The following GRIN2A variants were observed in gnomAD, a reference collection of about 807,000 sequenced individuals.
GRIN2A encodes glutamate ionotropic receptor NMDA type subunit 2A, also known as glutamate receptor ionotropic, NMDA 2A.
Under a neutral mutation model 113.4 loss-of-function variants are expected in GRIN2A, and 22 were observed. The observed-to-expected ratio is 0.19, with a 90% CI of 0.14 to 0.28. GRIN2A has a LOEUF of 0.28. Among genes scored for constraint, GRIN2A ranks in the 10% least tolerant of loss-of-function variants. The pLI is 1.00. For missense variants in GRIN2A, 1,502 were observed against 1,887.0 expected (o/e 0.80, Z 3.78); for synonymous variants, 827 against 738.4 (o/e 1.12, Z -1.94).
Position 9,859,643 on chromosome 16 carries a change from C to G in GRIN2A, c.1123-9682G>C, listed in dbSNP as rs111874982. ...ACACACACACACACACACACACACA[C>G]AGAGAGGATATGAAGCTACAATGAT... On this transcript the variant is annotated intron_variant, in intron 4 of 12. Transcript: ENST00000330684. Among the ~76,000 whole-genome samples the G allele has an allele frequency of 9.3e-3, 1,369 of 146,972 alleles. 8 individuals are homozygous for G. The highest frequency in any genetic ancestry group is 0.021 in the African/African-American group (820 of 39,782).
intron 2 of GRIN2A, among the ~76,000 whole-genome samples, chr16:9,984,376 A>G (rs1204930620): frequency 6.6e-6 from 1 of 151,876 alleles, no homozygotes; most frequent in Non-Finnish European, 1.5e-5. Context: ...ACATTTGTCT[A>G]TTTTTGCTGA....
intron 2 of GRIN2A, among the ~76,000 whole-genome samples, chr16:10,121,932 A>G (rs2048843590): frequency 6.6e-6 from 1 of 152,190 alleles, no homozygotes. Context: ...ATCTCAAAAA[A>G]CCCTGCAAAC....
chr16:10,015,249 T>C (rs1298523296), intron 2 of GRIN2A, among the ~76,000 whole-genome samples: 3 of 6,672 alleles, frequency 4.5e-4, no homozygotes, highest in African/African-American at 1.2e-3. Context: ...CAAGACTTCA[T>C]CTCAAAAAAA....
chr16:9,958,839 T>G (rs1051919580), intron 2 of GRIN2A, among the ~76,000 whole-genome samples: 3 of 152,076 alleles, frequency 2.0e-5, no homozygotes, highest in South Asian at 2.1e-4. Flanking sequence ...GACTAGAAAA[T>G]CGATACAAGC....
intron 4 of GRIN2A, among the ~76,000 whole-genome samples, chr16:9,873,558 C>T (rs1162618498): frequency 6.7e-6 from 1 of 148,264 alleles, no homozygotes; most frequent in African/African-American, 2.5e-5. Context: ...ACAACAACAA[C>T]AACAACAAAC....
intron 2 of GRIN2A, among the ~76,000 whole-genome samples, chr16:10,040,289 G>A (rs1272114739): frequency 1.8e-5 from 2 of 111,980 alleles, no homozygotes; most frequent in African/African-American, 6.9e-5. Flanking sequence ...ACACATCCAC[G>A]TCATGCACAT....
At chr16:9,901,124 T>G (rs974064981) in intron 3 of GRIN2A, among the ~76,000 whole-genome samples, 8 of 152,230 alleles carry the variant, frequency 5.3e-5, no homozygotes, top group Admixed American at 1.3e-4. Context: ...TTTGCCTGGT[T>G]TTTCCTTCTG....
intron 2 of GRIN2A, among the ~76,000 whole-genome samples, chr16:10,074,176 A>G (rs1377490334): frequency 6.6e-6 from 1 of 152,236 alleles, no homozygotes; most frequent in African/African-American, 2.4e-5. Flanking sequence ...TCACAATCAG[A>G]TAGCACTTCA....
At chr16:9,867,053 C>T (rs919885855) in intron 4 of GRIN2A, among the ~76,000 whole-genome samples, 9 of 152,118 alleles carry the variant, frequency 5.9e-5, no homozygotes, top group African/African-American at 2.2e-4. Context: ...CCGATTCCAA[C>T]TTAGACCTCT....
rs778812987 is a variant in GRIN2A, at chr16:9,889,848, G to A, written c.1122+1138C>T. On this transcript the variant is annotated intron_variant, in intron 4 of 12. Coordinates refer to ENST00000330684, the MANE Select transcript of GRIN2A (RefSeq NM_001134407.3). Reference sequence around the variant, plus strand: ...TTATTTCAATTCTTCTAAACACATTGAGACTTTTGTTTTATGCTCCAGAAT... The same window carrying A: ...TTATTTCAATTCTTCTAAACACATTAAGACTTTTGTTTTATGCTCCAGAAT... Among the ~76,000 whole-genome samples the A allele has an allele frequency of 2.0e-5, 3 of 152,136 alleles. No homozygotes were observed. In the South Asian group the frequency reaches 6.2e-4, roughly 32 times the overall value.
chr16:10,076,815 T>C (rs1269635229), intron 2 of GRIN2A, among the ~76,000 whole-genome samples: 1 of 152,188 alleles, frequency 6.6e-6, no homozygotes, highest in Non-Finnish European at 1.5e-5. Context: ...TCCTTGCATC[T>C]CCACCAGGAT....
chr16:10,174,840 GAAA>G (rs142412213), intron 2 of GRIN2A, among the ~76,000 whole-genome samples: 1 of 137,218 alleles, frequency 7.3e-6, no homozygotes, highest in Non-Finnish European at 1.6e-5. Context: ...CAGAGAACTG[GAAA>G]AAAAAAAAAA....
intron 2 of GRIN2A, among the ~76,000 whole-genome samples, chr16:9,953,827 G>A (rs1462452792): frequency 1.3e-5 from 2 of 152,134 alleles, no homozygotes; most frequent in Non-Finnish European, 2.9e-5. Flanking sequence ...ATGTTCACCT[G>A]GGACTTTAAG....
At chr16:9,770,156 T>C (rs1456986138) in intron 11 of GRIN2A, among the ~76,000 whole-genome samples, 1 of 152,220 alleles carries the variant, frequency 6.6e-6, no homozygotes, top group African/African-American at 2.4e-5. Context: ...GTCTAGCAAT[T>C]CACTAAACTA....
At chr16:9,895,121 G>T (rs939581555) in intron 3 of GRIN2A, among the ~76,000 whole-genome samples, 2 of 152,170 alleles carry the variant, frequency 1.3e-5, no homozygotes. Context: ...TGGGGAGAGG[G>T]ACACACAAAA....
At chr16:10,131,881 T>C (rs2049071349) in intron 2 of GRIN2A, among the ~76,000 whole-genome samples, 1 of 152,220 alleles carries the variant, frequency 6.6e-6, no homozygotes, top group African/African-American at 2.4e-5. Context: ...GTTATTATTG[T>C]TATTATTACT....
At chr16:9,999,004 C>T (rs1254782315) in intron 2 of GRIN2A, among the ~76,000 whole-genome samples, 1 of 152,132 alleles carries the variant, frequency 6.6e-6, no homozygotes, top group Non-Finnish European at 1.5e-5. Flanking sequence ...CCAATGGAAG[C>T]ATTACATCAG....
At chr16:9,804,992 T>C (rs766419966) in intron 10 of GRIN2A, among the ~76,000 whole-genome samples, 4 of 152,194 alleles carry the variant, frequency 2.6e-5, no homozygotes, top group East Asian at 1.9e-4. Context: ...GCCATCCTTA[T>C]TGACAGCTCT....
chr16:10,099,721 T>C (rs186863857), intron 2 of GRIN2A, among the ~76,000 whole-genome samples: 16 of 152,326 alleles, frequency 1.1e-4, no homozygotes, highest in Admixed American at 1.0e-3. Context: ...ATTCAAATGC[T>C]ACTTCCTAGA....
Sources: allele counts gnomAD v4.1 joint callset (sites outside exome capture counted in the v4.1 genomes callset), GRCh38; gene constraint gnomAD v4.1.1; transcripts MANE v1.5; gene names NCBI Gene and HGNC (gene_info 2026-07-23, HGNC 2026-07-21).